The following STON2 variants were observed in gnomAD, a reference collection of about 807,000 sequenced individuals.
STON2 encodes stonin 2.
Under a neutral mutation model 65.7 loss-of-function variants are expected in STON2, and 29 were observed. That is an observed-to-expected ratio of 0.44 (90% confidence interval 0.33 to 0.60). The LOEUF (loss-of-function observed/expected upper bound fraction) is 0.60. Among genes scored for constraint, STON2 ranks in the 20% least tolerant of loss-of-function variants. The probability of loss-of-function intolerance (pLI) is 0.03; values close to 1 mark genes in which losing one functional copy is unlikely to be tolerated. For missense variants in STON2, 1,054 were observed against 1,118.1 expected, an observed-to-expected ratio of 0.94 and a Z score of 0.82; for synonymous variants, 404 against 414.2, an observed-to-expected ratio of 0.98 and a Z score of 0.30.
chr14:81,319,170 T>A (rs1455827838), intron 5 of STON2, among the ~76,000 whole-genome samples: 1 of 152,240 alleles, frequency 6.6e-6, no homozygotes, highest in Admixed American at 6.5e-5. Context: ...CATTGTTGTA[T>A]AAAACAGATT....
intron 4 of STON2, among the ~76,000 whole-genome samples, chr14:81,357,958 C>T (rs530590163): frequency 1.3e-5 from 2 of 150,762 alleles, no homozygotes; most frequent in South Asian, 4.2e-4. Context: ...TTAGTGGGTG[C>T]AGCGCACCAG....
chr14:81,378,614 T>C (rs1899364269), intron 3 of STON2, among the ~76,000 whole-genome samples: 1 of 152,222 alleles, frequency 6.6e-6, no homozygotes, highest in South Asian at 2.1e-4. Flanking sequence ...AAGTAAAAGT[T>C]TTTGAAATTT....
Position 81,267,348 on chromosome 14 carries a change from G to C in STON2, c.*1066C>G. 1.0e-6 allele frequency: 1 copy of C among 985,268 alleles called. No homozygotes were observed. Among genetic ancestry groups the C allele is most frequent in the Non-Finnish European group, 1.2e-6 (1 of 829,896 alleles). 61.0% of individuals were successfully genotyped at this position (985,268 alleles called of 1,614,324 possible). A position where few individuals can be genotyped will look rare whatever the true frequency, so the allele number is the denominator to read the frequency against. On this transcript the variant is annotated 3_prime_UTR_variant, in exon 8 of 8. Coordinates refer to ENST00000614646, the MANE Select transcript of STON2 (RefSeq NM_001394390.1). ...CCTTTTCAATCCAATCCAATACTGT[G>C]ATTATCAAACTCTGAATTTTGGGGG... is the stretch of plus-strand genomic sequence containing the variant.
intron 5 of STON2, among the ~76,000 whole-genome samples, chr14:81,316,209 G>C (rs1896612399): frequency 2.0e-5 from 3 of 152,184 alleles, no homozygotes; most frequent in African/African-American, 7.2e-5. Context: ...AGAAATGGCA[G>C]GTGAGGGCTC....
intron 2 of STON2, among the ~76,000 whole-genome samples, chr14:81,416,386 A>G (rs576779749): frequency 2.0e-5 from 3 of 152,250 alleles, no homozygotes; most frequent in South Asian, 2.1e-4. Flanking sequence ...AAATTTCGGG[A>G]AAAAAAGGAA....
chr14:81,339,126 G>T (rs1187815798), intron 4 of STON2, among the ~76,000 whole-genome samples: 1 of 152,022 alleles, frequency 6.6e-6, no homozygotes, highest in African/African-American at 2.4e-5. Context: ...AAGGGCAGGA[G>T]AAAAGAAAGG....
At chr14:81,410,550 G>C (rs939269296) in intron 2 of STON2, among the ~76,000 whole-genome samples, 1 of 152,130 alleles carries the variant, frequency 6.6e-6, no homozygotes. Context: ...CCAACAATAG[G>C]CCATAGCCTG....
intron 5 of STON2, among the ~76,000 whole-genome samples, chr14:81,314,048 C>T (rs1217580652): frequency 2.6e-5 from 4 of 152,188 alleles, no homozygotes; most frequent in Non-Finnish European, 5.9e-5. Flanking sequence ...CAGTGCCTTG[C>T]AAATTGTAAG....
Position 81,264,017 on chromosome 14 carries a change from C to T in STON2, c.*4397G>A, listed in dbSNP as rs749373762. On this transcript the variant is annotated 3_prime_UTR_variant, in exon 8 of 8. Transcript: ENST00000614646. The stretch of plus-strand genomic sequence containing the variant: ...GCGGTTAGTGCTGGAAGAACAAAGA[C>T]CTACTGCATGAAGACTGGTTGTGCA... 1 of 985,374 alleles carries T rather than the reference C, an allele frequency of 1.0e-6. No individual in the cohort carries two copies. The highest frequency in any genetic ancestry group is 1.2e-6 in the Non-Finnish European group (1 of 829,932). The allele number at this position is 985,374 out of a possible 1,614,324, so 61.0% of individuals were successfully genotyped here. A position where few individuals can be genotyped will look rare whatever the true frequency, so the allele number is the denominator to read the frequency against.
At chr14:81,348,689 A>G (rs1473071068) in intron 4 of STON2, among the ~76,000 whole-genome samples, 1 of 152,162 alleles carries the variant, frequency 6.6e-6, no homozygotes, top group Non-Finnish European at 1.5e-5. Context: ...CAATCTATAG[A>G]GTCAATGTAA....
chr14:81,427,747 C>A (rs930982090), intron 1 of STON2, among the ~76,000 whole-genome samples: 6 of 151,982 alleles, frequency 3.9e-5, no homozygotes, highest in Non-Finnish European at 7.4e-5. Context: ...AAAAAGTGTG[C>A]TTTGACTGCC....
At position 81,268,001 on chromosome 14, in the gene STON2, G is replaced by C. The variant is rs1243749621; in HGVS notation, c.*413C>G. On this transcript the variant is annotated 3_prime_UTR_variant, in exon 8 of 8. Transcript: ENST00000614646. ...TAATTAACTTCTCAAGACTGCCTTT[G>C]CCAGAAAGTTATGCGAGTGACAGAT... 1.0e-6 allele frequency: 1 copy of C among 987,032 alleles called. No homozygotes were observed. The highest frequency in any genetic ancestry group is 1.1e-4 in the East Asian group (1 of 8,862). The allele number at this position is 987,032 out of a possible 1,614,324, so 61.1% of individuals were successfully genotyped here. A position where few individuals can be genotyped will look rare whatever the true frequency, so the allele number is the denominator to read the frequency against.
At chr14:81,347,145 T>C (rs1386631597) in intron 4 of STON2, among the ~76,000 whole-genome samples, 1 of 150,662 alleles carries the variant, frequency 6.6e-6, no homozygotes, top group Non-Finnish European at 1.5e-5. Flanking sequence ...ACTGGCTTTT[T>C]GAAAAGATAA....
intron 5 of STON2, among the ~76,000 whole-genome samples, chr14:81,304,179 G>T (rs1444315321): frequency 6.6e-6 from 1 of 152,132 alleles, no homozygotes; most frequent in Non-Finnish European, 1.5e-5. Flanking sequence ...ACCTCCTTGA[G>T]ACCAGGGTTT....
At chr14:81,268,548 T>A (rs1894447074) in intron 7 of STON2, 51 bp from the exon 8 acceptor site, 1 of 1,286,424 alleles carries the variant, frequency 7.8e-7, no homozygotes, top group Non-Finnish European at 1.0e-6. Context: ...AGAAAAAGCA[T>A]GCAAATAAAT....
At position 81,268,351 on chromosome 14, in the gene STON2, T is replaced by C. The variant is rs190805681; in HGVS notation, c.*63A>G. ...TTCAGCTACTCAGGAAGACACCCTA[T>C]CATGACTCAGGAAGACACCCTATCA... On this transcript the variant is annotated 3_prime_UTR_variant, in exon 8 of 8. Transcript: ENST00000614646. 5 of 1,284,842 alleles carry C rather than the reference T, an allele frequency of 3.9e-6. No individual in the cohort carries two copies. The highest frequency in any genetic ancestry group is 5.1e-6 in the Non-Finnish European group (5 of 986,826). 79.6% of individuals were successfully genotyped at this position (1,284,842 alleles called of 1,614,324 possible).
At chr14:81,269,291 C>T (rs1056693167) in intron 7 of STON2, 63 of 984,460 alleles carry the variant, frequency 6.4e-5, no homozygotes, top group Non-Finnish European at 7.5e-5. Context: ...CAGCCATGAG[C>T]CACAGCACCC....
chr14:81,298,334 A>G (rs1364787083), intron 5 of STON2, among the ~76,000 whole-genome samples: 1 of 146,944 alleles, frequency 6.8e-6, no homozygotes, highest in African/African-American at 2.5e-5. Context: ...CCTATTCCAC[A>G]TCCTAGGGCT....
chr14:81,262,175 A>G lies in STON2; in HGVS notation c.*6239T>C, dbSNP rs1894175979. ...TTTTGTCTCAGGAAACTGAAGCCCA[A>G]TTGGGAAAACAGCAACTTACTTAAC... On this transcript the variant is annotated 3_prime_UTR_variant, in exon 8 of 8. Transcript: ENST00000614646. 3.0e-6 allele frequency: 3 copies of G among 985,398 alleles called. No individual in the cohort carries two copies. Among genetic ancestry groups the G allele is most frequent in the African/African-American group, 3.5e-5 (2 of 57,370 alleles). The allele number at this position is 985,398 out of a possible 1,614,324, so 61.0% of individuals were successfully genotyped here. A position where few individuals can be genotyped will look rare whatever the true frequency, so the allele number is the denominator to read the frequency against.
Sources: allele counts gnomAD v4.1 joint callset (sites outside exome capture counted in the v4.1 genomes callset), GRCh38; gene constraint gnomAD v4.1.1; transcripts MANE v1.5; gene names NCBI Gene and HGNC (gene_info 2026-07-23, HGNC 2026-07-21).